Variants in ERC1 observed in about 807,000 individuals in gnomAD.
ERC1 encodes the protein ELKS/RAB6-interacting/CAST family member 1, also known as RAB6 interacting protein 2.
A neutral mutation model predicts 132.0 loss-of-function variants in ERC1; 56 were observed. The observed-to-expected ratio is 0.42, with a 90% CI of 0.34 to 0.53. ERC1 has a LOEUF of 0.53. Among genes scored for constraint, ERC1 ranks in the 20% least tolerant of loss-of-function variants. ERC1 has a pLI of 0.03. For missense variants in ERC1, 1,202 were observed against 1,349.9 expected (o/e 0.89, Z 1.72); for synonymous variants, 478 against 476.1 (o/e 1.00, Z -0.05).
chr12:1,143,031 T>C (rs1238516823), intron 8 of ERC1, among the ~76,000 whole-genome samples: 2 of 152,058 alleles, frequency 1.3e-5, no homozygotes, highest in Non-Finnish European at 2.9e-5. Context: ...CCCAAGTAGC[T>C]GGGACTACAG....
intron 7 of ERC1, among the ~76,000 whole-genome samples, chr12:1,139,709 T>A (rs1047024283): frequency 1.3e-5 from 2 of 151,950 alleles, no homozygotes; most frequent in African/African-American, 4.8e-5. Flanking sequence ...GGTATGATTT[T>A]TTTTTTTTTG....
At position 1,143,329 on chromosome 12, in the gene ERC1, C is replaced by CGTGTGTGTGTGT. The variant is rs4017792; in HGVS notation, c.1737+1583_1737+1594dup. Among the ~76,000 whole-genome samples the CGTGTGTGTGTGT allele has an allele frequency of 3.5e-3, 455 of 128,960 alleles. 6 individuals carry two copies. The highest frequency in any genetic ancestry group is 0.026 in the East Asian group (99 of 3,834). 84.6% of individuals were successfully genotyped at this position (128,960 alleles called of 152,430 possible). A position where few individuals can be genotyped will look rare whatever the true frequency, so the allele number is the denominator to read the frequency against. On this transcript the variant is annotated intron_variant, in intron 8 of 18. Coordinates refer to ENST00000360905, the MANE Select transcript of ERC1 (RefSeq NM_178040.4). ...TCCTAGCTCTGTTTGGCTTTTGACT[C>CGTGTGTGTGTGT]GTGTGTGTGTGTGTGTGTGTGTGTG...
chr12:994,517 A>G (rs145333500), intron 1 of ERC1, among the ~76,000 whole-genome samples: 15 of 152,330 alleles, frequency 9.8e-5, no homozygotes, highest in African/African-American at 3.4e-4. Context: ...TAATTTCTTC[A>G]TCTGCAAAAT....
At chr12:1,280,199 G>A (rs1454750423) in intron 14 of ERC1, among the ~76,000 whole-genome samples, 5 of 152,180 alleles carry the variant, frequency 3.3e-5, no homozygotes, top group African/African-American at 1.2e-4. Context: ...AGTCATCCAA[G>A]ATACGGCTGA....
intron 7 of ERC1, among the ~76,000 whole-genome samples, chr12:1,137,100 C>A (rs1053560546): frequency 8.1e-6 from 1 of 122,914 alleles, no homozygotes; most frequent in East Asian, 2.2e-4. Flanking sequence ...TTTTTCTTTT[C>A]TTTTTTTTTT....
chr12:1,406,774 G>A (rs1306545056), intron 16 of ERC1, among the ~76,000 whole-genome samples: 1 of 152,162 alleles, frequency 6.6e-6, no homozygotes, highest in African/African-American at 2.4e-5. Context: ...TCAGGAGGCT[G>A]AGTTGGGAGG....
chr12:1,134,728 CTTT>C (rs201981125), intron 7 of ERC1, among the ~76,000 whole-genome samples: 3 of 136,056 alleles, frequency 2.2e-5, no homozygotes, highest in Non-Finnish European at 3.2e-5. Flanking sequence ...TCCTCAGTAA[CTTT>C]TTTTTTTTTT....
At chr12:1,204,533 A>G (rs540072734) in intron 12 of ERC1, 2 of 1,587,760 alleles carry the variant, frequency 1.3e-6, no homozygotes, top group East Asian at 2.2e-5. Flanking sequence ...TTGCACTAAA[A>G]CAAAGATGAT....
intron 12 of ERC1, among the ~76,000 whole-genome samples, chr12:1,225,450 ACACACACACACACACACACACAC>A (rs1291575378): frequency 3.9e-5 from 2 of 50,826 alleles, no homozygotes; most frequent in Middle Eastern, 8.1e-3. Flanking sequence ...GCTGTCTCTT[ACACACACACACACACACACACAC>A]ACACACACAC....
chr12:1,414,844 ATGTGTGTGTGTGTCTG>A (rs1468041046), intron 17 of ERC1, among the ~76,000 whole-genome samples: 3 of 151,860 alleles, frequency 2.0e-5, no homozygotes, highest in Non-Finnish European at 4.4e-5. Context: ...GTAAATATAT[ATGTGTGTGTGTGTCTG>A]TGTGTGTGTG....
chr12:1,480,661 C>T (rs935300476), intron 18 of ERC1, among the ~76,000 whole-genome samples: 2 of 151,922 alleles, frequency 1.3e-5, no homozygotes, highest in African/African-American at 2.4e-5. Flanking sequence ...TGTATTCTTT[C>T]GGAAATTCTT....
At chr12:1,436,637 G>A (rs555631643) in intron 17 of ERC1, among the ~76,000 whole-genome samples, 116 of 152,218 alleles carry the variant, frequency 7.6e-4, no homozygotes, top group African/African-American at 2.7e-3. Flanking sequence ...GCCAAAAGGT[G>A]GTGTCGTGCT....
chr12:1,361,633 G>A (rs866860421), intron 15 of ERC1, among the ~76,000 whole-genome samples: 42 of 152,008 alleles, frequency 2.8e-4, no homozygotes, highest in African/African-American at 3.9e-4. Context: ...GCATTCCACC[G>A]TCATGAATAT....
At chr12:1,479,165 CTA>C (rs1491291650) in intron 18 of ERC1, among the ~76,000 whole-genome samples, 1 of 152,088 alleles carries the variant, frequency 6.6e-6, no homozygotes, top group Non-Finnish European at 1.5e-5. Context: ...CGTGCCAGTG[CTA>C]TGTGTGTGCA....
At chr12:1,353,512 A>G (rs532280737) in intron 15 of ERC1, among the ~76,000 whole-genome samples, 7 of 152,206 alleles carry the variant, frequency 4.6e-5, no homozygotes, top group Non-Finnish European at 5.9e-5. Context: ...AAACTTAAAA[A>G]CAGAGAGCTT....
At chr12:1,043,622 C>T (rs953146090) in intron 2 of ERC1, among the ~76,000 whole-genome samples, 2 of 152,054 alleles carry the variant, frequency 1.3e-5, no homozygotes, top group Non-Finnish European at 2.9e-5. Flanking sequence ...TTCCCTCATA[C>T]CATATGATTT....
intron 2 of ERC1, among the ~76,000 whole-genome samples, chr12:1,068,681 T>C (rs943081772): frequency 2.0e-5 from 3 of 152,234 alleles, no homozygotes; most frequent in African/African-American, 7.2e-5. Context: ...CCTCAAAATA[T>C]ACTAGCAAGG....
chr12:1,143,920 G>C (rs1950096247), intron 8 of ERC1, among the ~76,000 whole-genome samples: 1 of 151,826 alleles, frequency 6.6e-6, no homozygotes, highest in South Asian at 2.1e-4. Context: ...CTCTATATCA[G>C]TTTTGTACTT....
intron 8 of ERC1, among the ~76,000 whole-genome samples, chr12:1,173,055 ATTCTT>A (rs1167770446): frequency 6.6e-6 from 1 of 152,150 alleles, no homozygotes; most frequent in African/African-American, 2.4e-5. Flanking sequence ...GGTTCGTTTT[ATTCTT>A]TGCTTCAGTA....
Sources: gnomAD v4.1 joint callset for allele counts (sites outside exome capture counted in the v4.1 genomes callset) on GRCh38, gnomAD v4.1.1 for gene constraint, MANE v1.5 for transcripts, NCBI Gene and HGNC (gene_info 2026-07-23, HGNC 2026-07-21) for gene names.